The following CRMP1 variants were observed in gnomAD, a reference collection of about 807,000 sequenced individuals.
The protein encoded by CRMP1 is dihydropyrimidinase-related protein 1.
In CRMP1, 19 loss-of-function variants were observed where a neutral mutation model predicts 68.3. That is an observed-to-expected ratio of 0.28 (90% CI 0.19 to 0.41). The LOEUF is 0.41. Among genes scored for constraint, CRMP1 ranks in the 10% least tolerant of loss-of-function variants. CRMP1 has a pLI of 1.00. For synonymous variants in CRMP1, 439 were observed against 399.6 expected, an observed-to-expected ratio of 1.10 and a Z score of -1.18; for missense variants, 791 against 967.4, an observed-to-expected ratio of 0.82 and a Z score of 2.42.
chr4:5,839,868 T>C (rs1392806702), intron 8 of CRMP1, among the ~76,000 whole-genome samples, 190 bp from the exon 9 acceptor site: 1 of 152,218 alleles, frequency 6.6e-6, no homozygotes, highest in Admixed American at 6.5e-5. Flanking sequence ...CTCCACCACA[T>C]TGTCGGCGCC....
chr4:5,847,006 CA>C (rs1712268839), intron 6 of CRMP1, among the ~76,000 whole-genome samples: 1 of 151,962 alleles, frequency 6.6e-6, no homozygotes, highest in South Asian at 2.1e-4. Context: ...ATGGATGACT[CA>C]GAGGATGGAA....
At chr4:5,884,518 C>T (rs1715439123) in intron 1 of CRMP1, among the ~76,000 whole-genome samples, 1 of 149,494 alleles carries the variant, frequency 6.7e-6, no homozygotes, top group African/African-American at 2.5e-5. Context: ...TCCTAGCACG[C>T]AGACCAGCCC....
In CRMP1 at chr4:5,842,449, A is replaced by G. The variant is rs897573965; in HGVS notation, c.1032+644T>C. On this transcript the variant is annotated intron_variant, in intron 7 of 13. Coordinates refer to ENST00000324989, the MANE Select transcript of CRMP1 (RefSeq NM_001014809.3). This position sits in a 1 kb window ranked among gnomAD's most constrained non-coding sequence, Gnocchi z 4.5. The stretch of plus-strand genomic sequence containing the variant: ...ATCTCAAAAAAAAAAAAAAAAAAAG[A>G]AAAGAAAGAAAGAAAGTAAAAAGAA... Among the ~76,000 whole-genome samples the G allele has an allele frequency of 1.3e-5, 2 of 150,130 alleles. No individual in the cohort carries two copies. The highest frequency in any genetic ancestry group is 2.1e-4 in the South Asian group (1 of 4,738).
Position 5,855,332 on chromosome 4 carries a change from C to T in CRMP1, c.820+811G>A, listed in dbSNP as rs1316921418. ...ATTTTAAAAATTGGAAACACACCCT[C>T]GCTCTCCTTGAAGCACCACCATTTG... On this transcript the variant is annotated intron_variant, in intron 4 of 13. Coordinates refer to ENST00000324989, the MANE Select transcript of CRMP1 (RefSeq NM_001014809.3). This position sits in a 1 kb window ranked among gnomAD's most constrained non-coding sequence, Gnocchi z 4.9. Among the ~76,000 whole-genome samples the T allele has an allele frequency of 6.6e-6, 1 of 152,198 alleles. No individual in the cohort carries two copies. The highest frequency in any genetic ancestry group is 2.4e-5 in the African/African-American group (1 of 41,444).
chr4:5,827,125 T>A (rs1719760294), intron 12 of CRMP1, among the ~76,000 whole-genome samples: 1 of 152,182 alleles, frequency 6.6e-6, no homozygotes, highest in Non-Finnish European at 1.5e-5. Flanking sequence ...GACCCCCCGA[T>A]CCTATTGCTC....
rs1713300957 is a variant in CRMP1 at position 5,858,500 on chromosome 4, CCCCGT to C, written c.656-2198_656-2194del. 6.6e-6 allele frequency among the ~76,000 whole-genome samples: 1 copy of C among 152,108 alleles called. No homozygotes were observed. ...GTGGCACTTCCTTTCCCTCACATGCCCCCGTGTGTGACCCAGCACCGAAGGCTGTT... is the reference window on the plus strand; with the variant it reads ...GTGGCACTTCCTTTCCCTCACATGCCGTGTGACCCAGCACCGAAGGCTGTT... On this transcript the variant is annotated intron_variant, in intron 3 of 13. Transcript: ENST00000324989. The surrounding 1 kb of genome is among the most constrained non-coding windows in gnomAD (Gnocchi z 5.5).
At position 5,828,557 on chromosome 4, in the gene CRMP1, T is replaced by C. The variant is rs140124818; in HGVS notation, c.1735A>G (p.Met579Val). Residue 579 changes from methionine to valine, a missense_variant, in exon 12 of 14, where the codon ATG (methionine) becomes GTG (valine). Met to Val is a conservative substitution (Grantham distance 21). Transcript: ENST00000324989. ...GCCTTCCGCGGAATGAAGCGGCCCA[T>C]GCCCTTGTTGACGTTGATGTTTCCG... is the stretch of plus-strand genomic sequence containing the variant. ...EDGNINVNKG[M>V]GRFIPRKAFP... 3.5e-5 allele frequency: 56 copies of C among 1,614,104 alleles called. No homozygotes were observed. In the Middle Eastern group the frequency reaches 8.2e-4, roughly 24 times the overall value.
At chr4:5,873,612 C>T (rs1714613159) in intron 1 of CRMP1, among the ~76,000 whole-genome samples, 1 of 152,148 alleles carries the variant, frequency 6.6e-6, no homozygotes, top group Non-Finnish European at 1.5e-5. Flanking sequence ...CTCACTATCA[C>T]AAGAACAGCA....
In CRMP1 at chr4:5,825,132, A is replaced by G. The variant is rs966923091; in HGVS notation, c.1969+362T>C. The G allele has an allele frequency of 3.7e-5, 36 of 985,306 alleles. No homozygotes were observed. The East Asian group carries it at 4.5e-4, about 12-fold the overall frequency. 61.0% of individuals were successfully genotyped at this position (985,306 alleles called of 1,614,324 possible). A position where few individuals can be genotyped will look rare whatever the true frequency, so the allele number is the denominator to read the frequency against. On this transcript the variant is annotated intron_variant, in intron 13 of 13. Coordinates refer to ENST00000324989, the MANE Select transcript of CRMP1 (RefSeq NM_001014809.3). The surrounding 1 kb of genome is among the most constrained non-coding windows in gnomAD (Gnocchi z 4.4). Reference sequence around the variant, plus strand: ...ACTTACACAGAGCACATGCCCTGCAAATGGCAGCTACTCCCATCTCTTGTT... The same window carrying G: ...ACTTACACAGAGCACATGCCCTGCAGATGGCAGCTACTCCCATCTCTTGTT...
intron 11 of CRMP1, among the ~76,000 whole-genome samples, chr4:5,829,342 T>C (rs1327767402): frequency 2.6e-5 from 4 of 152,066 alleles, no homozygotes; most frequent in African/African-American, 9.7e-5. Flanking sequence ...TGAGCCGAGA[T>C]CGTGCCACTG....
At chr4:5,833,132 C>G (rs1452010789) in intron 11 of CRMP1, among the ~76,000 whole-genome samples, 1 of 151,004 alleles carries the variant, frequency 6.6e-6, no homozygotes, top group East Asian at 1.9e-4. Context: ...TGGCCAACAC[C>G]TTGGTTTCAA....
At chr4:5,887,824 G>A in intron 1 of CRMP1, 1 of 996,834 alleles carries the variant, frequency 1.0e-6, no homozygotes, top group Non-Finnish European at 1.2e-6. Flanking sequence ...GGGCCGGACG[G>A]TGCGGGGGCC....
At chr4:5,836,172 T>C in intron 10 of CRMP1, 87 bp from the exon 11 acceptor site, 1 of 1,227,520 alleles carries the variant, frequency 8.1e-7, no homozygotes, top group Non-Finnish European at 1.1e-6. Flanking sequence ...GACTGCCAGC[T>C]GAGGCCTTGC....
In CRMP1 at chr4:5,865,686, A is replaced by G. The variant is rs1713948330; in HGVS notation, c.470+982T>C. Among the ~76,000 whole-genome samples the G allele has an allele frequency of 6.6e-6, 1 of 151,678 alleles. No homozygotes were observed. The highest frequency in any genetic ancestry group is 6.6e-5 in the Admixed American group (1 of 15,226). On this transcript the variant is annotated intron_variant, in intron 2 of 13. Transcript: ENST00000324989. This position sits in a 1 kb window ranked among gnomAD's most constrained non-coding sequence, Gnocchi z 4.1. ...TGCCTGGCGTTATGGACTGAATTGT[A>G]TCTCCCAAAATTCATGTTGAAGCCC... is the stretch of plus-strand genomic sequence containing the variant.
intron 10 of CRMP1, among the ~76,000 whole-genome samples, chr4:5,836,459 C>G (rs916771674): frequency 2.0e-5 from 3 of 152,220 alleles, no homozygotes; most frequent in Non-Finnish European, 2.9e-5. Context: ...CACGTGTGCA[C>G]ATGCACACAC....
At position 5,883,247 on chromosome 4, in the gene CRMP1, C is replaced by CCATCTTTA. The variant is rs774046282; in HGVS notation, c.381+9341_381+9342insTAAAGATG. ...GCCTGCCTGCTTTCCTTCCTTCCTT[C>CCATCTTTA]CTTCCTTCCTTCCTCCCTCCCTCCC... On this transcript the variant is annotated intron_variant, in intron 1 of 13. Coordinates refer to ENST00000324989, the MANE Select transcript of CRMP1 (RefSeq NM_001014809.3). The surrounding 1 kb of genome is among the most constrained non-coding windows in gnomAD (Gnocchi z 4.5). Among the ~76,000 whole-genome samples the CCATCTTTA allele has an allele frequency of 6.8e-6, 1 of 147,992 alleles. No homozygotes were observed. Among genetic ancestry groups the CCATCTTTA allele is most frequent in the Non-Finnish European group, 1.5e-5 (1 of 66,236 alleles).
intron 1 of CRMP1, among the ~76,000 whole-genome samples, chr4:5,874,899 G>T (rs766903641): frequency 1.3e-5 from 2 of 152,182 alleles, no homozygotes; most frequent in Non-Finnish European, 1.5e-5. Context: ...AAGCCTGCAC[G>T]CTACAGATGC....
In CRMP1 at chr4:5,843,899, G is replaced by A. The variant is rs1183107048; in HGVS notation, c.964-738C>T. On this transcript the variant is annotated intron_variant, in intron 6 of 13. Transcript: ENST00000324989. The surrounding 1 kb of genome is among the most constrained non-coding windows in gnomAD (Gnocchi z 4.1). ...CCTTGAAATGGTTCCCTGGGCTGAT[G>A]GCCTAGATTCAAATCCATCTGGTCC... Among the ~76,000 whole-genome samples the A allele has an allele frequency of 6.6e-6, 1 of 151,970 alleles. No individual in the cohort carries two copies. Among genetic ancestry groups the A allele is most frequent in the African/African-American group, 2.4e-5 (1 of 41,338 alleles).
chr4:5,858,536 GCCT>G lies in CRMP1; in HGVS notation c.656-2232_656-2230del, dbSNP rs1217476845. Among the ~76,000 whole-genome samples, 1 of 151,996 alleles carries G rather than the reference GCCT, an allele frequency of 6.6e-6. No individual in the cohort carries two copies. The stretch of plus-strand genomic sequence containing the variant: ...ACCCAGCACCGAAGGCTGTTGACTG[GCCT>G]CCTCCATATCCCTGGAGCTGTCCAA... On this transcript the variant is annotated intron_variant, in intron 3 of 13. Transcript: ENST00000324989. The surrounding 1 kb of genome is among the most constrained non-coding windows in gnomAD (Gnocchi z 5.5).
Sources: allele counts gnomAD v4.1 joint callset (sites outside exome capture counted in the v4.1 genomes callset), GRCh38; gene constraint gnomAD v4.1.1; non-coding constraint Gnocchi (gnomAD v3.1); transcripts MANE v1.5; gene names NCBI Gene and HGNC (gene_info 2026-07-23, HGNC 2026-07-21).